The following PRMT8 variants were observed in gnomAD, a reference collection of about 807,000 sequenced individuals.
PRMT8 encodes protein arginine methyltransferase 8, also known as protein arginine N-methyltransferase 8.
PRMT8 carries 7 observed loss-of-function variants against 47.1 expected under a neutral mutation model. The ratio of observed to expected loss-of-function variants is 0.15; its 90% confidence interval spans 0.08 to 0.28. PRMT8 has a LOEUF of 0.28. PRMT8 is among the 10% of genes least tolerant of loss of function. The pLI, the probability that PRMT8 is intolerant of heterozygous loss-of-function variation, is 1.00. For missense variants in PRMT8, 237 were observed against 505.4 expected, an observed-to-expected ratio of 0.47 and a Z score of 5.09; for synonymous variants, 188 against 186.5, an observed-to-expected ratio of 1.01 and a Z score of -0.07.
In PRMT8 at chr12:3,521,390, ATGACGAAACCCC is replaced by A. The variant is rs1394509879; in HGVS notation, c.76-19215_76-19204del. ...GGAGTACGAGACCAGCCTGGCCAACATGACGAAACCCCGTCTCTACTAAAAATACAAAAATTA... is the reference window on the plus strand; with the variant it reads ...GGAGTACGAGACCAGCCTGGCCAACAGTCTCTACTAAAAATACAAAAATTA... On this transcript the variant is annotated intron_variant, in intron 1 of 9. Transcript: ENST00000382622. Among the ~76,000 whole-genome samples the A allele has an allele frequency of 3.9e-3, 589 of 152,260 alleles. 5 individuals carry two copies. Among genetic ancestry groups the A allele is most frequent in the African/African-American group, 0.013 (556 of 41,548 alleles).
At chr12:3,426,235 G>A (rs1193387272) in intron 1 of PRMT8, among the ~76,000 whole-genome samples, 2 of 152,224 alleles carry the variant, frequency 1.3e-5, no homozygotes, top group Non-Finnish European at 2.9e-5. Flanking sequence ...TTAATGTGTG[G>A]ACAGAGTATT....
intron 1 of PRMT8, among the ~76,000 whole-genome samples, chr12:3,391,341 G>A (rs1471062822): frequency 6.6e-6 from 1 of 152,180 alleles, no homozygotes; most frequent in Non-Finnish European, 1.5e-5. Flanking sequence ...GGAGGTGGGT[G>A]GCCACTAAAG....
rs553472973 is a variant in PRMT8, at chr12:3,543,692, C to G, written c.261+2901C>G. ...GGGGGTGACTCTGGACACTTCTGTT[C>G]TCATCCCATGCTCCATTCAGAGACA... On this transcript the variant is annotated intron_variant, in intron 2 of 9. Coordinates refer to ENST00000382622, the MANE Select transcript of PRMT8 (RefSeq NM_019854.5). Among the ~76,000 whole-genome samples the G allele has an allele frequency of 3.3e-5, 5 of 152,320 alleles. No individual in the cohort carries two copies. The South Asian group carries it at 6.2e-4, about 19-fold the overall frequency.
At chr12:3,541,345 T>A (rs1866226982) in intron 2 of PRMT8, among the ~76,000 whole-genome samples, 1 of 152,208 alleles carries the variant, frequency 6.6e-6, no homozygotes, top group African/African-American at 2.4e-5. Context: ...AGACTAATGT[T>A]GACTATGGAA....
In PRMT8 at chr12:3,492,321, T is replaced by G. The variant is rs908323752; in HGVS notation, c.75+621T>G. Among the ~76,000 whole-genome samples, 3 of 151,924 alleles carry G rather than the reference T, an allele frequency of 2.0e-5. No homozygotes were observed. The highest frequency in any genetic ancestry group is 7.3e-5 in the African/African-American group (3 of 41,378). On this transcript the variant is annotated intron_variant, in intron 1 of 9. Transcript: ENST00000382622. This position sits in a 1 kb window ranked among gnomAD's most constrained non-coding sequence, Gnocchi z 7.5. The stretch of plus-strand genomic sequence containing the variant: ...GAGAGAAGTCTGCAATCCTCAGATA[T>G]CAGAGCCGCCTCTGGGTAGCTAAAC...
At chr12:3,553,480 C>T (rs1309528288) in intron 3 of PRMT8, 171 bp from the exon 4 acceptor site, 1 of 638,094 alleles carries the variant, frequency 1.6e-6, no homozygotes, top group East Asian at 2.7e-5. Flanking sequence ...GGCCGCTGGC[C>T]TTGAGGTGGG....
chr12:3,445,039 G>C (rs896076370), intron 1 of PRMT8, among the ~76,000 whole-genome samples: 1 of 152,260 alleles, frequency 6.6e-6, no homozygotes, highest in Non-Finnish European at 1.5e-5. Context: ...AGGAAGGGGA[G>C]ATTTTGAGTG....
At chr12:3,498,286 A>C (rs936672444) in intron 1 of PRMT8, among the ~76,000 whole-genome samples, 1 of 152,236 alleles carries the variant, frequency 6.6e-6, no homozygotes, top group African/African-American at 2.4e-5. Context: ...TAATCACCAA[A>C]ATGCTTTTTC....
intron 1 of PRMT8, among the ~76,000 whole-genome samples, chr12:3,414,506 G>A (rs1320776646): frequency 1.3e-5 from 2 of 152,210 alleles, no homozygotes; most frequent in African/African-American, 4.8e-5. Flanking sequence ...GCAAGCGAGT[G>A]TGGGAACCGG....
At position 3,552,699 on chromosome 12, in the gene PRMT8, G is replaced by A. The variant is rs566013399; in HGVS notation, c.418-952G>A. The A allele has an allele frequency of 1.3e-5, 6 of 464,430 alleles. No individual in the cohort carries two copies. In the East Asian group the frequency reaches 2.0e-4, roughly 16 times the overall value. 28.8% of individuals were successfully genotyped at this position (464,430 alleles called of 1,614,324 possible). On this transcript the variant is annotated intron_variant, in intron 3 of 9. Transcript: ENST00000382622. The surrounding 1 kb of genome is among the most constrained non-coding windows in gnomAD (Gnocchi z 4.5). ...TAACCAAGTGACCCCTTCTGACCCC[G>A]TAGGTGCCCTCACCCTTCCTCAAGG...
chr12:3,571,645 G>C (rs926099626), intron 6 of PRMT8, among the ~76,000 whole-genome samples: 9 of 152,018 alleles, frequency 5.9e-5, no homozygotes, highest in African/African-American at 1.9e-4. Flanking sequence ...CTGAAAGTTA[G>C]CACCATGTTA....
chr12:3,585,670 C>G (rs1021890621), intron 8 of PRMT8, among the ~76,000 whole-genome samples: 4 of 151,994 alleles, frequency 2.6e-5, no homozygotes, highest in African/African-American at 9.7e-5. Flanking sequence ...GAACCAGTGC[C>G]TCCTGATTAC....
In PRMT8 at chr12:3,550,223, A is replaced by G; in HGVS notation, c.417+132A>G. The G allele has an allele frequency of 1.8e-6, 2 of 1,134,924 alleles. No individual in the cohort carries two copies. The highest frequency in any genetic ancestry group is 1.3e-6 in the Non-Finnish European group (1 of 796,688). The allele number at this position is 1,134,924 out of a possible 1,614,324, so 70.3% of individuals were successfully genotyped here. A position where few individuals can be genotyped will look rare whatever the true frequency, so the allele number is the denominator to read the frequency against. ...CTGGGGTCACACCTTCGAGGAGTAG[A>G]AGAAATCAGGTGTGACTCTCAGGAA... On this transcript the variant is annotated intron_variant, in intron 3 of 9. Transcript: ENST00000382622. This position sits in a 1 kb window ranked among gnomAD's most constrained non-coding sequence, Gnocchi z 5.1.
At chr12:3,561,683 A>C (rs773229141) in intron 4 of PRMT8, among the ~76,000 whole-genome samples, 2 of 152,216 alleles carry the variant, frequency 1.3e-5, no homozygotes, top group Non-Finnish European at 2.9e-5. Flanking sequence ...TTAGGATGCC[A>C]TGGCGGTGGG....
At chr12:3,393,826 T>A (rs1565397111) in intron 1 of PRMT8, among the ~76,000 whole-genome samples, 1 of 128,698 alleles carries the variant, frequency 7.8e-6, no homozygotes, top group Non-Finnish European at 1.6e-5. Context: ...TTTCACGATA[T>A]TGATTCTTCC....
chr12:3,558,133 G>A (rs879725876), intron 4 of PRMT8, among the ~76,000 whole-genome samples: 7 of 151,974 alleles, frequency 4.6e-5, no homozygotes, highest in Non-Finnish European at 8.8e-5. Flanking sequence ...CAGGGGAGGT[G>A]GCTAACTTCC....
At chr12:3,479,835 G>T (rs1448337550) in intron 1 of PRMT8, among the ~76,000 whole-genome samples, 1 of 136,244 alleles carries the variant, frequency 7.3e-6, no homozygotes, top group Admixed American at 7.6e-5. Flanking sequence ...ACATGTTAGT[G>T]TCAGTTTCTA....
intron 1 of PRMT8, among the ~76,000 whole-genome samples, chr12:3,477,177 A>G (rs1396764978): frequency 6.6e-6 from 1 of 152,238 alleles, no homozygotes; most frequent in Non-Finnish European, 1.5e-5. Context: ...ATTTTTAGAA[A>G]CCTGTTTCCT....
chr12:3,467,239 CAAAAA>C (rs10694948), intron 1 of PRMT8, among the ~76,000 whole-genome samples: 1 of 48,818 alleles, frequency 2.0e-5, no homozygotes, highest in Admixed American at 3.6e-4. Flanking sequence ...GACTCCATCT[CAAAAA>C]AAAAAAAAAA....
Sources: allele counts gnomAD v4.1 joint callset (sites outside exome capture counted in the v4.1 genomes callset), GRCh38; gene constraint gnomAD v4.1.1; non-coding constraint Gnocchi (gnomAD v3.1); transcripts MANE v1.5; gene names NCBI Gene and HGNC (gene_info 2026-07-23, HGNC 2026-07-21).